Variants in BAALC observed in about 807,000 individuals in gnomAD.
BAALC encodes brain and acute leukemia cytoplasmic protein.
In BAALC, 9 loss-of-function variants were observed where a neutral mutation model predicts 15.5. That is an observed-to-expected ratio of 0.58 (90% confidence interval 0.35 to 1.02). BAALC has a LOEUF of 1.02. Among genes scored for constraint, BAALC ranks in the 50% least tolerant of loss-of-function variants. The pLI is 0.02. For synonymous variants in BAALC, 80 were observed against 74.6 expected, an observed-to-expected ratio of 1.07 and a Z score of -0.37; for missense variants, 201 against 192.4, an observed-to-expected ratio of 1.04 and a Z score of -0.27.
At chr8:103,200,538 C>A (rs78443393) in intron 1 of BAALC, 23,653 of 447,492 alleles carry the variant, frequency 0.053, 710 homozygotes, top group South Asian at 0.094. Flanking sequence ...AGGCTAACCA[C>A]CCCCAAAAAT....
intron 1 of BAALC, chr8:103,166,045 G>C (rs980363088): frequency 5.2e-5 from 8 of 152,506 alleles, no homozygotes; most frequent in Non-Finnish European, 1.2e-4. Flanking sequence ...AGTTGTCCCA[G>C]GTCTAAGTAT....
intron 1 of BAALC, among the ~76,000 whole-genome samples, chr8:103,166,775 A>C (rs895019610): frequency 6.6e-6 from 1 of 152,214 alleles, no homozygotes; most frequent in African/African-American, 2.4e-5. Context: ...CTCTTAAAAG[A>C]AAATTGTACC....
chr8:103,152,256 ACTCTG>A (rs1003458436), intron 1 of BAALC, among the ~76,000 whole-genome samples: 2 of 151,624 alleles, frequency 1.3e-5, no homozygotes, highest in African/African-American at 2.4e-5. Context: ...TTCATTGTTT[ACTCTG>A]CTCTGTTTTT....
intron 1 of BAALC, among the ~76,000 whole-genome samples, chr8:103,179,972 G>A (rs566283316): frequency 6.6e-6 from 1 of 152,246 alleles, no homozygotes; most frequent in South Asian, 2.1e-4. Context: ...GGAAGTTGTT[G>A]TTCCTGGCGC....
intron 1 of BAALC, chr8:103,183,322 C>G (rs779272392): frequency 1.4e-6 from 1 of 702,736 alleles, no homozygotes; most frequent in Non-Finnish European, 2.6e-6. Context: ...CCTTTTGAGT[C>G]CTAACCACTT....
chr8:103,187,004 A>G (rs1015536776), intron 1 of BAALC, among the ~76,000 whole-genome samples: 2 of 152,116 alleles, frequency 1.3e-5, no homozygotes, highest in African/African-American at 4.8e-5. Context: ...AGTCTCCCAA[A>G]GTATTTCAGC....
intron 1 of BAALC, among the ~76,000 whole-genome samples, chr8:103,211,712 A>C (rs1197480740): frequency 6.6e-6 from 1 of 152,186 alleles, no homozygotes; most frequent in Non-Finnish European, 1.5e-5. Context: ...GATGGGAACT[A>C]CTATTGGCCT....
intron 1 of BAALC, among the ~76,000 whole-genome samples, chr8:103,191,770 A>T (rs1230165604): frequency 6.6e-6 from 1 of 152,298 alleles, no homozygotes; most frequent in Non-Finnish European, 1.5e-5. Context: ...AACTGCATCT[A>T]CACCCAGAAC....
intron 1 of BAALC, among the ~76,000 whole-genome samples, chr8:103,189,059 AAT>A (rs1246749464): frequency 6.6e-6 from 1 of 152,256 alleles, no homozygotes; most frequent in East Asian, 1.9e-4. Context: ...GTGAGGCTTA[AAT>A]AAAATAAAGC....
chr8:103,181,822 G>T (rs148161683), intron 1 of BAALC, among the ~76,000 whole-genome samples: 3 of 152,178 alleles, frequency 2.0e-5, no homozygotes, highest in African/African-American at 7.2e-5. Context: ...TTAGGTAGCA[G>T]GTGAAAAGTT....
At position 103,228,130 on chromosome 8, in the gene BAALC, T is replaced by C; in HGVS notation, c.*31T>C. On this transcript the variant is annotated 3_prime_UTR_variant, in exon 3 of 3. Coordinates refer to ENST00000309982, the MANE Select transcript of BAALC (RefSeq NM_024812.3). ...AGTCCAAGCAGAAGGGCAGATGGAC[T>C]TCTTCAGTGTCCTTCACGGCACTGG... 7.0e-7 allele frequency: 1 copy of C among 1,420,770 alleles called. No individual in the cohort carries two copies. Among genetic ancestry groups the C allele is most frequent in the Non-Finnish European group, 9.9e-7 (1 of 1,006,598 alleles). 88.0% of individuals were successfully genotyped at this position (1,420,770 alleles called of 1,614,324 possible).
intron 2 of BAALC, among the ~76,000 whole-genome samples, chr8:103,220,497 T>G (rs984255505): frequency 8.5e-5 from 13 of 152,206 alleles, no homozygotes; most frequent in African/African-American, 3.1e-4. Context: ...ATTTACTGAG[T>G]GTCTATTATG....
chr8:103,156,477 C>T (rs556772369), intron 1 of BAALC, among the ~76,000 whole-genome samples: 1 of 152,276 alleles, frequency 6.6e-6, no homozygotes, highest in East Asian at 1.9e-4. Flanking sequence ...ATTCTCCTTG[C>T]CTTGGGCTCT....
chr8:103,162,290 A>G (rs1586385477), intron 1 of BAALC, among the ~76,000 whole-genome samples: 1 of 152,160 alleles, frequency 6.6e-6, no homozygotes, highest in East Asian at 1.9e-4. Flanking sequence ...CATATTCACT[A>G]GTTGTAAATC....
intron 1 of BAALC, among the ~76,000 whole-genome samples, chr8:103,142,704 C>T (rs974530350): frequency 7.2e-5 from 11 of 152,030 alleles, no homozygotes; most frequent in East Asian, 1.9e-4. Context: ...TGTGTATGTG[C>T]GTATATGCAT....
At chr8:103,195,223 A>G (rs10104097) in intron 1 of BAALC, among the ~76,000 whole-genome samples, 12,724 of 152,112 alleles carry the variant, frequency 0.084, 577 homozygotes, top group African/African-American at 0.11. Context: ...GGAAAGCCCT[A>G]TATGACTCTG....
chr8:103,223,613 T>C (rs930030274), intron 2 of BAALC, among the ~76,000 whole-genome samples: 3 of 150,858 alleles, frequency 2.0e-5, no homozygotes, highest in African/African-American at 7.3e-5. Flanking sequence ...AATGACCCTA[T>C]TGTAATTGGG....
intron 1 of BAALC, among the ~76,000 whole-genome samples, chr8:103,205,930 T>C (rs1053833967): frequency 2.0e-5 from 3 of 152,202 alleles, no homozygotes; most frequent in South Asian, 2.1e-4. Flanking sequence ...CAGGGTTTAG[T>C]ACAGTGCAAC....
At chr8:103,215,459 C>A (rs1812535194) in intron 2 of BAALC, among the ~76,000 whole-genome samples, 1 of 135,318 alleles carries the variant, frequency 7.4e-6, no homozygotes, top group Admixed American at 7.9e-5. Context: ...TAACAAAACA[C>A]AGCAACATTC....
Sources: allele counts gnomAD v4.1 joint callset (sites outside exome capture counted in the v4.1 genomes callset), GRCh38; gene constraint gnomAD v4.1.1; transcripts MANE v1.5; gene names NCBI Gene and HGNC (gene_info 2026-07-23, HGNC 2026-07-21).